The following PCDHA8 variants were observed in gnomAD, a reference collection of about 807,000 sequenced individuals.
PCDHA8 encodes protocadherin alpha 8.
Under a neutral mutation model 61.8 loss-of-function variants are expected in PCDHA8, and 53 were observed. The ratio of observed to expected loss-of-function variants is 0.86; its 90% CI spans 0.69 to 1.08. PCDHA8 has a LOEUF of 1.08. PCDHA8 is among the 50% of genes least tolerant of loss of function. The pLI is 0.00. For missense variants in PCDHA8, 1,293 were observed against 1,245.0 expected, an observed-to-expected ratio of 1.04 and a Z score of -0.58; for synonymous variants, 618 against 556.6, an observed-to-expected ratio of 1.11 and a Z score of -1.55.
intron 1 of PCDHA8, among the ~76,000 whole-genome samples, chr5:140,951,339 G>A (rs246043): frequency 0.56 from 85,609 of 151,878 alleles, 24,748 homozygotes; most frequent in African/African-American, 0.69. Context: ...TTCTGTTTGT[G>A]TTAGTCCATT....
chr5:141,004,142 G>A (rs1323224367), intron 3 of PCDHA8, among the ~76,000 whole-genome samples: 2 of 152,214 alleles, frequency 1.3e-5, no homozygotes, highest in African/African-American at 4.8e-5. Flanking sequence ...TGCCCCAAAG[G>A]CATGACATTT....
intron 1 of PCDHA8, chr5:140,875,264 C>G: frequency 8.4e-7 from 1 of 1,189,324 alleles, no homozygotes; most frequent in Non-Finnish European, 1.1e-6. Flanking sequence ...TGATGTCGCT[C>G]TACACTCAGA....
rs565071573 is a variant in PCDHA8, at chr5:141,009,664, G to C, written c.2580G>C (p.Ala860=). 1.7e-4 allele frequency: 273 copies of C among 1,613,982 alleles called. 2 individuals are homozygous for C. In the South Asian group the frequency reaches 2.8e-3, roughly 17 times the overall value. ...GAGAAGTGTCCCCTCCAGTCGGTGC[G>C]GGTGTCAACAGCAACAGCTGGACCT... ...EAGEVSPPVG[A]GVNSNSWTFK... The change falls in exon 4 of 4, where the codon GCG becomes GCC. Residue 860 remains alanine, a synonymous_variant. Transcript: ENST00000531613.
chr5:140,962,796 A>T (rs1248367259), intron 1 of PCDHA8, among the ~76,000 whole-genome samples: 1 of 152,222 alleles, frequency 6.6e-6, no homozygotes, highest in Non-Finnish European at 1.5e-5. Flanking sequence ...ACTACTTTGG[A>T]CAACTCTAAA....
chr5:140,843,593 GTGTGCTC>G lies in PCDHA8; in HGVS notation c.2275_2281del (p.Cys759ValfsTer25). 2 of 1,596,072 alleles carry G rather than the reference GTGTGCTC, an allele frequency of 1.3e-6. No individual in the cohort carries two copies. The highest frequency in any genetic ancestry group is 1.7e-6 in the Non-Finnish European group (2 of 1,165,522). ...ATACTCGCAACAACAGCCGCAGAGG[GTGTGCTC>G]TGGTGAGGGGCCACCGAAGACGGAC... On this transcript the variant is annotated frameshift_variant, in exon 1 of 4. Coordinates refer to ENST00000531613, the MANE Select transcript of PCDHA8 (RefSeq NM_018911.3). LOFTEE classifies it high-confidence loss of function.
At chr5:140,852,575 C>G (rs913886842) in intron 1 of PCDHA8, 6 of 798,922 alleles carry the variant, frequency 7.5e-6, no homozygotes, top group African/African-American at 1.9e-5. Flanking sequence ...TGTGCCAAGG[C>G]TTTTTTATTT....
chr5:141,005,584 C>T (rs1307831783), intron 3 of PCDHA8, among the ~76,000 whole-genome samples: 2 of 151,062 alleles, frequency 1.3e-5, no homozygotes, highest in Non-Finnish European at 2.9e-5. Context: ...TGCCTGTAGT[C>T]CCAGCTACAC....
chr5:140,971,295 G>C (rs2096467939), intron 1 of PCDHA8, among the ~76,000 whole-genome samples: 2 of 152,232 alleles, frequency 1.3e-5, no homozygotes, highest in South Asian at 4.1e-4. Flanking sequence ...TATGTACTTT[G>C]GTACACAAAC....
chr5:140,869,564 T>A, intron 1 of PCDHA8: 2 of 1,614,176 alleles, frequency 1.2e-6, no homozygotes, highest in South Asian at 2.2e-5. Context: ...CGTTTTCCAC[T>A]AGAGGGAGCT....
At chr5:140,996,355 G>A (rs1164124431) in intron 3 of PCDHA8, among the ~76,000 whole-genome samples, 1 of 152,218 alleles carries the variant, frequency 6.6e-6, no homozygotes, top group Non-Finnish European at 1.5e-5. Flanking sequence ...ACCAAAGTCA[G>A]AAGCCATTTT....
chr5:140,984,712 G>A (rs2097116348), intron 3 of PCDHA8, among the ~76,000 whole-genome samples: 1 of 152,096 alleles, frequency 6.6e-6, no homozygotes, highest in Non-Finnish European at 1.5e-5. Context: ...AGGGAATATG[G>A]CATAAAGATT....
At chr5:140,993,538 A>T (rs1175611433) in intron 3 of PCDHA8, among the ~76,000 whole-genome samples, 1 of 151,668 alleles carries the variant, frequency 6.6e-6, no homozygotes, top group Non-Finnish European at 1.5e-5. Context: ...AGAGAGAGAG[A>T]TAGAGAAGTG....
At chr5:140,957,398 T>A (rs1162675184) in intron 1 of PCDHA8, among the ~76,000 whole-genome samples, 1 of 152,186 alleles carries the variant, frequency 6.6e-6, no homozygotes, top group Non-Finnish European at 1.5e-5. Flanking sequence ...ATTGTCCTAA[T>A]TTATTATTAT....
chr5:140,843,158 C>T lies in PCDHA8; in HGVS notation c.1837C>T (p.Pro613Ser). 1 of 1,596,142 alleles carries T rather than the reference C, an allele frequency of 6.3e-7. No individual in the cohort carries two copies. Among genetic ancestry groups the T allele is most frequent in the Non-Finnish European group, 8.6e-7 (1 of 1,165,612 alleles). Residue 613 changes from proline to serine, a missense_variant, in exon 1 of 4, where the codon CCA becomes TCA. By Grantham distance (74) the Pro-to-Ser change is moderately conservative. Coordinates refer to ENST00000531613, the MANE Select transcript of PCDHA8 (RefSeq NM_018911.3). ...YNAWLSYELQPAASSPRIPFR... is the reference protein window; with the variant it reads ...YNAWLSYELQSAASSPRIPFR... ...CGCGTGGCTTTCGTATGAGCTGCAGCCAGCTGCAAGCAGCCCTCGCATCCC... is the reference window on the plus strand; with the variant it reads ...CGCGTGGCTTTCGTATGAGCTGCAGTCAGCTGCAAGCAGCCCTCGCATCCC...
intron 1 of PCDHA8, chr5:140,884,792 G>T: frequency 7.6e-7 from 1 of 1,312,776 alleles, no homozygotes; most frequent in Non-Finnish European, 1.0e-6. Context: ...AGTTGTTATC[G>T]AATTTAACAA....
chr5:140,850,279 G>A lies in PCDHA8; in HGVS notation c.2394+6564G>A, dbSNP rs140634296. On this transcript the variant is annotated intron_variant, in intron 1 of 3. Coordinates refer to ENST00000531613, the MANE Select transcript of PCDHA8 (RefSeq NM_018911.3). ...GCCGGCGTAGTGGTGGGGAAGGTGC[G>A]CGCAGTGGACGCCGACTCGGGCTAC... The A allele has an allele frequency of 3.4e-5, 54 of 1,595,452 alleles. 4 individuals carry two copies. The highest frequency in any genetic ancestry group is 4.5e-5 in the Non-Finnish European group (53 of 1,167,590).
At chr5:140,996,695 A>G (rs1207094122) in intron 3 of PCDHA8, among the ~76,000 whole-genome samples, 1 of 152,088 alleles carries the variant, frequency 6.6e-6, no homozygotes, top group East Asian at 1.9e-4. Context: ...ATTCTTCTGA[A>G]CCTCTATCTC....
rs1214081504 is a variant in PCDHA8, at chr5:140,848,716, T to C, written c.2394+5001T>C. On this transcript the variant is annotated intron_variant, in intron 1 of 3. Coordinates refer to ENST00000531613, the MANE Select transcript of PCDHA8 (RefSeq NM_018911.3). Reference sequence around the variant, plus strand: ...TTGGATTCCAAAGGCCGCGGGGACCTTCTGGAGGTAAATCTGCAGAATGGC... The same window carrying C: ...TTGGATTCCAAAGGCCGCGGGGACCCTCTGGAGGTAAATCTGCAGAATGGC... 1 of 1,592,460 alleles carries C rather than the reference T, an allele frequency of 6.3e-7. No homozygotes were observed.
At chr5:140,897,050 G>C (rs1269082503) in intron 1 of PCDHA8, among the ~76,000 whole-genome samples, 1 of 152,014 alleles carries the variant, frequency 6.6e-6, no homozygotes, top group African/African-American at 2.4e-5. Flanking sequence ...CTATTCTGCT[G>C]TCAAATACTA....
Sources: allele counts gnomAD v4.1 joint callset (sites outside exome capture counted in the v4.1 genomes callset), GRCh38; gene constraint gnomAD v4.1.1; transcripts MANE v1.5; gene names NCBI Gene and HGNC (gene_info 2026-07-23, HGNC 2026-07-21).